The following ABCA1 variants were observed in gnomAD, a reference collection of about 807,000 sequenced individuals.
The protein encoded by ABCA1 is phospholipid-transporting ATPase ABCA1.
ABCA1 carries 133 observed loss-of-function variants against 262.5 expected under a neutral mutation model. The ratio of observed to expected loss-of-function variants is 0.51; its 90% CI spans 0.44 to 0.59. The LOEUF (loss-of-function observed/expected upper bound fraction) is 0.59, where lower values mean the gene tolerates loss of function less well. Ranked by LOEUF, ABCA1 falls within the 20% of genes least tolerant of loss-of-function variation. The pLI is 0.00. For missense variants in ABCA1, 2,452 were observed against 2,777.5 expected (o/e 0.88, Z 2.63); for synonymous variants, 1,022 against 1,043.5 (o/e 0.98, Z 0.40).
chr9:104,828,634 A>G (rs1229218102), intron 15 of ABCA1, among the ~76,000 whole-genome samples: 1 of 152,178 alleles, frequency 6.6e-6, no homozygotes, highest in Non-Finnish European at 1.5e-5. Flanking sequence ...ACCACTACCA[A>G]TGAGACAGCA....
intron 1 of ABCA1, among the ~76,000 whole-genome samples, chr9:104,904,195 C>A (rs1324629641): frequency 6.6e-6 from 1 of 152,160 alleles, no homozygotes; most frequent in Non-Finnish European, 1.5e-5. Flanking sequence ...TGCCTCAAGC[C>A]TGGAGTGACT....
intron 8 of ABCA1, 86 bp from the exon 9 acceptor site, chr9:104,840,605 C>T (rs1834282077): frequency 7.6e-7 from 1 of 1,323,686 alleles, no homozygotes. Context: ...GAGAAAGAAA[C>T]ATCTTATTTT....
intron 5 of ABCA1, among the ~76,000 whole-genome samples, chr9:104,868,382 T>G (rs1475498140): frequency 6.6e-6 from 1 of 152,116 alleles, no homozygotes; most frequent in Non-Finnish European, 1.5e-5. Flanking sequence ...AAAACGGGGC[T>G]AATAACATTC....
chr9:104,855,565 T>C, intron 7 of ABCA1: 1 of 1,136,524 alleles, frequency 8.8e-7, no homozygotes. Flanking sequence ...TCATGTCAAT[T>C]AAATTATCAA....
chr9:104,842,243 G>C (rs1375578855), intron 8 of ABCA1, among the ~76,000 whole-genome samples: 1 of 152,188 alleles, frequency 6.6e-6, no homozygotes, highest in Non-Finnish European at 1.5e-5. Context: ...AGGTGAGGTG[G>C]ACAGCTTTTC....
chr9:104,869,460 A>G (rs1222501779), intron 5 of ABCA1, among the ~76,000 whole-genome samples: 2 of 152,132 alleles, frequency 1.3e-5, no homozygotes, highest in Middle Eastern at 3.2e-3. Flanking sequence ...TCTCTGTTAT[A>G]CAAGGGCTGG....
intron 1 of ABCA1, among the ~76,000 whole-genome samples, chr9:104,906,224 G>A (rs913104474): frequency 1.3e-5 from 2 of 152,176 alleles, no homozygotes. Flanking sequence ...GGGCAAAGCA[G>A]TAAGGATGAA....
chr9:104,867,937 C>A (rs902778122), intron 5 of ABCA1, among the ~76,000 whole-genome samples: 1 of 152,184 alleles, frequency 6.6e-6, no homozygotes, highest in African/African-American at 2.4e-5. Context: ...TCTTACCTGA[C>A]ACTGAAAGGA....
intron 22 of ABCA1, 148 bp from the exon 23 acceptor site, chr9:104,819,031 A>G: frequency 1.3e-6 from 1 of 759,968 alleles, no homozygotes; most frequent in East Asian, 2.7e-5. Flanking sequence ...TATGACCCCT[A>G]GAATGGCAAA....
chr9:104,825,326 T>A (rs1437364295), intron 17 of ABCA1, among the ~76,000 whole-genome samples: 1 of 152,246 alleles, frequency 6.6e-6, no homozygotes, highest in Non-Finnish European at 1.5e-5. Context: ...TACCAACATT[T>A]AACAGTTGTG....
At chr9:104,793,788 T>C (rs1245082294) in intron 40 of ABCA1, among the ~76,000 whole-genome samples, 1 of 152,176 alleles carries the variant, frequency 6.6e-6, no homozygotes, top group Non-Finnish European at 1.5e-5. Context: ...ATTCCTTACA[T>C]ATCTCCTTTG....
intron 44 of ABCA1, 108 bp from the exon 45 acceptor site, chr9:104,788,675 C>A: frequency 1.5e-6 from 2 of 1,327,240 alleles, no homozygotes; most frequent in Non-Finnish European, 2.1e-6. Flanking sequence ...ACAAAGATAC[C>A]AATACATCTG....
At chr9:104,859,551 T>C (rs1211944547) in intron 6 of ABCA1, among the ~76,000 whole-genome samples, 1 of 152,232 alleles carries the variant, frequency 6.6e-6, no homozygotes, top group Admixed American at 6.5e-5. Flanking sequence ...GATGTGCTTG[T>C]AGAACAACCT....
intron 30 of ABCA1, among the ~76,000 whole-genome samples, chr9:104,808,375 T>G (rs1050438501): frequency 2.0e-5 from 3 of 151,940 alleles, no homozygotes; most frequent in African/African-American, 2.4e-5. Flanking sequence ...TCCAGATAAC[T>G]ATATTATCAT....
At chr9:104,869,628 C>T (rs1837421257) in intron 5 of ABCA1, among the ~76,000 whole-genome samples, 1 of 152,096 alleles carries the variant, frequency 6.6e-6, no homozygotes, top group Non-Finnish European at 1.5e-5. Context: ...AGGGGTGAGG[C>T]GGGGTGATGC....
Position 104,903,778 on chromosome 9 carries a change from G to T in ABCA1, c.-92-7C>A. 2 of 1,123,430 alleles carry T rather than the reference G, an allele frequency of 1.8e-6. No individual in the cohort carries two copies. Among genetic ancestry groups the T allele is most frequent in the Non-Finnish European group, 2.6e-6 (2 of 764,804 alleles). 69.6% of individuals were successfully genotyped at this position (1,123,430 alleles called of 1,614,324 possible). A position where few individuals can be genotyped will look rare whatever the true frequency, so the allele number is the denominator to read the frequency against. Reference sequence around the variant, plus strand: ...CGCCGTGGCTGGTCATTAACTGAAAGATAAAGCAGGAGGGGAAACAGCCAT... The same window carrying T: ...CGCCGTGGCTGGTCATTAACTGAAATATAAAGCAGGAGGGGAAACAGCCAT... On this transcript the variant is annotated splice_region_variant and splice_polypyrimidine_tract_variant and intron_variant, in intron 1 of 49. Transcript: ENST00000374736.
chr9:104,784,936 G>T (rs10820733), intron 49 of ABCA1, among the ~76,000 whole-genome samples: 2 of 151,924 alleles, frequency 1.3e-5, no homozygotes, highest in Non-Finnish European at 2.9e-5. Flanking sequence ...GAGCCACCAC[G>T]CCCGGCCAAA....
chr9:104,809,622 A>G (rs1831092312), intron 29 of ABCA1, 58 bp from the exon 30 acceptor site: 1 of 1,439,700 alleles, frequency 6.9e-7, no homozygotes, highest in Admixed American at 1.7e-5. Flanking sequence ...TAATCGAGAG[A>G]TAAAAATGTT....
At chr9:104,872,490 C>G (rs1837710277) in intron 5 of ABCA1, among the ~76,000 whole-genome samples, 1 of 152,192 alleles carries the variant, frequency 6.6e-6, no homozygotes, top group African/African-American at 2.4e-5. Context: ...CAACTTTACT[C>G]TTTAATCTTG....
Sources: allele counts gnomAD v4.1 joint callset (sites outside exome capture counted in the v4.1 genomes callset), GRCh38; gene constraint gnomAD v4.1.1; transcripts MANE v1.5; gene names NCBI Gene and HGNC (gene_info 2026-07-23, HGNC 2026-07-21).